The following LLGL2 variants were observed in gnomAD, a reference collection of about 807,000 sequenced individuals.
LLGL2 encodes LLGL2, scribble cell polarity complex component.
Under a neutral mutation model 123.2 loss-of-function variants are expected in LLGL2, and 81 were observed. The observed-to-expected ratio is 0.66, with a 90% CI of 0.55 to 0.79. LLGL2 has a LOEUF of 0.79. LLGL2 is among the 30% of genes least tolerant of loss of function. The pLI, the probability that LLGL2 is intolerant of heterozygous loss-of-function variation, is 0.00. For missense variants in LLGL2, 1,273 were observed against 1,414.6 expected (o/e 0.90, Z 1.61); for synonymous variants, 577 against 594.1 (o/e 0.97, Z 0.42).
intron 21 of LLGL2, 116 bp from the exon 22 acceptor site, chr17:75,573,836 C>G: frequency 1.5e-6 from 2 of 1,351,580 alleles, no homozygotes; most frequent in Non-Finnish European, 2.1e-6. Flanking sequence ...GTTTACCTCC[C>G]AGGCTCTCCG....
chr17:75,540,576 T>C (rs889851033), intron 1 of LLGL2, among the ~76,000 whole-genome samples: 1 of 152,216 alleles, frequency 6.6e-6, no homozygotes, highest in African/African-American at 2.4e-5. Flanking sequence ...GGCTCTGAGC[T>C]GCCAGCATCT....
chr17:75,555,290 C>CTT (rs79727188), intron 2 of LLGL2, among the ~76,000 whole-genome samples: 5 of 136,376 alleles, frequency 3.7e-5, no homozygotes, highest in Admixed American at 2.2e-4. Context: ...AATTTTTGTT[C>CTT]TTTTTTTTTT....
In LLGL2 at chr17:75,549,634, AGCCAGTATCGG is replaced by A. The variant is rs1204463255; in HGVS notation, c.75+6136_75+6146del. 6.6e-5 allele frequency among the ~76,000 whole-genome samples: 10 copies of A among 152,222 alleles called. No homozygotes were observed. The highest frequency in any genetic ancestry group is 2.4e-4 in the African/African-American group (10 of 41,448). On this transcript the variant is annotated intron_variant, in intron 2 of 25. Transcript: ENST00000392550. The surrounding 1 kb of genome is among the most constrained non-coding windows in gnomAD (Gnocchi z 4.0). ...CCAGGAATCTGAGCTGGCCACACCC[AGCCAGTATCGG>A]GCAGAGTGGCCCGGCCAGGCAGGAG...
intron 6 of LLGL2, among the ~76,000 whole-genome samples, chr17:75,561,935 T>A (rs1325859736): frequency 6.6e-6 from 1 of 151,820 alleles, no homozygotes; most frequent in Non-Finnish European, 1.5e-5. Context: ...AAAAAAAAAA[T>A]TAAATATTGA....
chr17:75,557,665 G>T (rs923983131), intron 3 of LLGL2: 10 of 288,910 alleles, frequency 3.5e-5, no homozygotes, highest in Non-Finnish European at 6.8e-5. Flanking sequence ...GTGTACACAG[G>T]GGGCCAGGGC....
At chr17:75,531,320 A>G (rs1230575933) in intron 1 of LLGL2, among the ~76,000 whole-genome samples, 1 of 152,228 alleles carries the variant, frequency 6.6e-6, no homozygotes, top group Non-Finnish European at 1.5e-5. Context: ...AAGAGCCTCC[A>G]GGAGCCATCT....
rs968818534 is a variant in LLGL2 at position 75,559,514 on chromosome 17, G to A, written c.530+104G>A. ...TCAGGAGCTGTCATTTCTCTGCTGG[G>A]AATTCCATGGGGCTATAGCAGGGGA... On this transcript the variant is annotated intron_variant, in intron 6 of 25. Coordinates refer to ENST00000392550, the MANE Select transcript of LLGL2 (RefSeq NM_001031803.2). This position sits in a 1 kb window ranked among gnomAD's most constrained non-coding sequence, Gnocchi z 4.6. 7.1e-7 allele frequency: 1 copy of A among 1,399,382 alleles called. No individual in the cohort carries two copies. Among genetic ancestry groups the A allele is most frequent in the African/African-American group, 1.4e-5 (1 of 69,430 alleles). 86.7% of individuals were successfully genotyped at this position (1,399,382 alleles called of 1,614,324 possible). A position where few individuals can be genotyped will look rare whatever the true frequency, so the allele number is the denominator to read the frequency against.
At chr17:75,547,127 T>C (rs1162214408) in intron 2 of LLGL2, among the ~76,000 whole-genome samples, 1 of 152,206 alleles carries the variant, frequency 6.6e-6, no homozygotes, top group African/African-American at 2.4e-5. Flanking sequence ...AACTCCTTTA[T>C]ACCCACACCA....
chr17:75,574,779 C>A, intron 25 of LLGL2, 92 bp from the exon 26 acceptor site: 1 of 1,592,714 alleles, frequency 6.3e-7, no homozygotes, highest in Non-Finnish European at 8.6e-7. Flanking sequence ...GCCCTGATGA[C>A]CAGGAAAGCA....
At chr17:75,557,844 T>A in intron 3 of LLGL2, 1 of 425,022 alleles carries the variant, frequency 2.4e-6, no homozygotes. Flanking sequence ...AGCCAACATG[T>A]CTTTTGCAGC....
rs61751715 is a variant in LLGL2 at position 75,574,638 on chromosome 17, G to A, written c.3025G>A (p.Ala1009Thr). ...GSGNWRSHRA[A>T]VGCSLSNGGA... ...CGGCAACTGGCGTTCACATCGAGCCGCCGTGGGGTGCAGCCTCAGCAATGG... is the reference window on the plus strand; with the variant it reads ...CGGCAACTGGCGTTCACATCGAGCCACCGTGGGGTGCAGCCTCAGCAATGG... The change falls in exon 25 of 26, where the codon GCC (alanine) becomes ACC (threonine). Residue 1009 changes from alanine to threonine, a missense_variant. Coordinates refer to ENST00000392550, the MANE Select transcript of LLGL2 (RefSeq NM_001031803.2). 46 of 1,612,048 alleles carry A rather than the reference G, an allele frequency of 2.9e-5. No homozygotes were observed. Among genetic ancestry groups the A allele is most frequent in the Non-Finnish European group, 3.5e-5 (41 of 1,179,658 alleles).
At chr17:75,527,037 C>T (rs1223681649) in intron 1 of LLGL2, among the ~76,000 whole-genome samples, 1 of 150,508 alleles carries the variant, frequency 6.6e-6, no homozygotes, top group Non-Finnish European at 1.5e-5. Flanking sequence ...GGCATGGTGG[C>T]GTGCACCTGT....
At chr17:75,552,440 G>A (rs1180040781) in intron 2 of LLGL2, among the ~76,000 whole-genome samples, 2 of 152,216 alleles carry the variant, frequency 1.3e-5, no homozygotes, top group African/African-American at 4.8e-5. Flanking sequence ...AGTGAGCTGT[G>A]ATCGTGCCAC....
intron 6 of LLGL2, among the ~76,000 whole-genome samples, chr17:75,561,378 A>G (rs558781494): frequency 3.6e-4 from 55 of 152,290 alleles, no homozygotes; most frequent in Non-Finnish European, 7.4e-4. Context: ...AGTTGCTCAC[A>G]CTTTGGGAGG....
chr17:75,557,794 T>G (rs569334831), intron 3 of LLGL2: 3 of 362,576 alleles, frequency 8.3e-6, no homozygotes, highest in South Asian at 6.4e-5. Context: ...ATAGGCCCCC[T>G]GGGGTGCCGT....
chr17:75,568,306 A>G (rs2147514716), intron 10 of LLGL2, 170 bp from the exon 11 acceptor site: 2 of 1,436,012 alleles, frequency 1.4e-6, no homozygotes, highest in Non-Finnish European at 1.8e-6. Flanking sequence ...AGCCAGGGCT[A>G]CTGCCCACAC....
intron 2 of LLGL2, among the ~76,000 whole-genome samples, chr17:75,554,468 G>A (rs933016685): frequency 2.6e-5 from 4 of 151,864 alleles, no homozygotes; most frequent in Non-Finnish European, 4.4e-5. Flanking sequence ...AAAAGTAGCC[G>A]GGTGTGGCAG....
chr17:75,566,568 G>A (rs920342601), intron 10 of LLGL2, among the ~76,000 whole-genome samples: 16 of 152,206 alleles, frequency 1.1e-4, no homozygotes, highest in Admixed American at 9.2e-4. Context: ...CAGAGCACAT[G>A]TAGCCATGGA....
chr17:75,557,434 G>A (rs965101839), intron 3 of LLGL2, among the ~76,000 whole-genome samples: 6 of 152,074 alleles, frequency 3.9e-5, no homozygotes, highest in African/African-American at 1.2e-4. Context: ...GGTTCTGGCC[G>A]ACTGGGGGCT....
Sources: allele counts gnomAD v4.1 joint callset (sites outside exome capture counted in the v4.1 genomes callset), GRCh38; gene constraint gnomAD v4.1.1; non-coding constraint Gnocchi (gnomAD v3.1); transcripts MANE v1.5; gene names NCBI Gene and HGNC (gene_info 2026-07-23, HGNC 2026-07-21).